The following RALGPS1 variants were observed in gnomAD, a reference collection of about 807,000 sequenced individuals.
The protein encoded by RALGPS1 is ras-specific guanine nucleotide-releasing factor RalGPS1.
RALGPS1 carries 19 observed loss-of-function variants against 78.8 expected under a neutral mutation model. That is an observed-to-expected ratio of 0.24 (90% CI 0.17 to 0.35). The LOEUF is 0.35. Among genes scored for constraint, RALGPS1 ranks in the 10% least tolerant of loss-of-function variants. RALGPS1 has a pLI of 1.00. For synonymous variants in RALGPS1, 228 were observed against 256.3 expected (o/e 0.89, Z 1.06); for missense variants, 454 against 688.3 (o/e 0.66, Z 3.81).
Position 127,218,816 on chromosome 9 carries a change from G to A in RALGPS1, c.*47G>A. The A allele has an allele frequency of 1.3e-6, 2 of 1,597,684 alleles. No homozygotes were observed. The highest frequency in any genetic ancestry group is 1.7e-6 in the Non-Finnish European group (2 of 1,165,010). On this transcript the variant is annotated 3_prime_UTR_variant, in exon 19 of 19. Transcript: ENST00000259351. This position sits in a 1 kb window ranked among gnomAD's most constrained non-coding sequence, Gnocchi z 4.4. ...ACTTCAGAGGCTTCTGGGAACCCAG[G>A]CTGGGCCTGGTGGTGAAGAGCAGTC...
chr9:127,123,967 T>G (rs150290148), intron 8 of RALGPS1, among the ~76,000 whole-genome samples: 3 of 152,244 alleles, frequency 2.0e-5, no homozygotes, highest in Non-Finnish European at 4.4e-5. Flanking sequence ...GGTGATGATG[T>G]TTGGGAACAA....
chr9:127,020,926 G>C (rs1330945788), intron 4 of RALGPS1, among the ~76,000 whole-genome samples: 3 of 152,142 alleles, frequency 2.0e-5, no homozygotes, highest in Non-Finnish European at 2.9e-5. Flanking sequence ...TATTTCATAG[G>C]GGTGTTGTGA....
intron 8 of RALGPS1, among the ~76,000 whole-genome samples, chr9:127,148,596 G>A (rs2058237353): frequency 6.6e-6 from 1 of 152,222 alleles, no homozygotes; most frequent in African/African-American, 2.4e-5. Context: ...GAGAGCACAT[G>A]AGGTGAGGCT....
chr9:127,132,199 T>C (rs1038326947), intron 8 of RALGPS1, among the ~76,000 whole-genome samples: 3 of 152,196 alleles, frequency 2.0e-5, no homozygotes, highest in African/African-American at 4.8e-5. Context: ...CTGAGTGTCA[T>C]TGACCCTGGG....
At chr9:127,176,106 A>AC (rs1180693918) in intron 11 of RALGPS1, among the ~76,000 whole-genome samples, 1 of 152,120 alleles carries the variant, frequency 6.6e-6, no homozygotes, top group Non-Finnish European at 1.5e-5. Flanking sequence ...CTGATATCTT[A>AC]GAGAGACATG....
intron 14 of RALGPS1, among the ~76,000 whole-genome samples, chr9:127,204,067 C>T (rs2061796780): frequency 6.6e-6 from 1 of 152,244 alleles, no homozygotes; most frequent in Admixed American, 6.5e-5. Context: ...GGGCAGCTCT[C>T]AGTACCTCTG....
At chr9:127,188,772 C>A (rs985883392) in intron 11 of RALGPS1, among the ~76,000 whole-genome samples, 17 of 145,700 alleles carry the variant, frequency 1.2e-4, no homozygotes, top group African/African-American at 4.1e-4. Flanking sequence ...TTGAGACCAG[C>A]CTGGCCAACA....
intron 4 of RALGPS1, among the ~76,000 whole-genome samples, chr9:127,025,661 C>T (rs1412667343): frequency 6.6e-6 from 1 of 152,124 alleles, no homozygotes; most frequent in Non-Finnish European, 1.5e-5. Context: ...ATCCACGCAT[C>T]CTCCTGGTAA....
intron 8 of RALGPS1, among the ~76,000 whole-genome samples, chr9:127,126,256 C>G (rs573142445): frequency 3.5e-4 from 53 of 152,084 alleles, no homozygotes; most frequent in Admixed American, 6.5e-4. Context: ...ATTGTTGTTC[C>G]TGTATACATA....
At chr9:126,980,210 G>A (rs894296934) in intron 4 of RALGPS1, among the ~76,000 whole-genome samples, 1 of 152,208 alleles carries the variant, frequency 6.6e-6, no homozygotes, top group African/African-American at 2.4e-5. Flanking sequence ...TGCCTGCCAT[G>A]TTGTGGCTGG....
intron 8 of RALGPS1, among the ~76,000 whole-genome samples, chr9:127,158,213 T>C (rs1263942300): frequency 1.3e-5 from 2 of 152,102 alleles, no homozygotes; most frequent in Non-Finnish European, 2.9e-5. Context: ...TTAAAAATCA[T>C]CTAGATATTG....
At chr9:127,063,074 A>G (rs778971481) in intron 7 of RALGPS1, among the ~76,000 whole-genome samples, 4 of 152,216 alleles carry the variant, frequency 2.6e-5, no homozygotes, top group Non-Finnish European at 5.9e-5. Context: ...TCTCTTTGCT[A>G]AAAAATATTT....
chr9:127,000,649 A>G (rs776020137), intron 4 of RALGPS1, among the ~76,000 whole-genome samples: 6 of 144,042 alleles, frequency 4.2e-5, no homozygotes, highest in Admixed American at 7.4e-5. Flanking sequence ...CCCAGGTTCA[A>G]GCGATTCTCC....
chr9:127,141,804 A>T (rs1282155652), intron 8 of RALGPS1, among the ~76,000 whole-genome samples: 3 of 152,104 alleles, frequency 2.0e-5, no homozygotes, highest in Non-Finnish European at 4.4e-5. Flanking sequence ...AGTATTTTTC[A>T]TTTTAAATAT....
chr9:126,992,471 T>C (rs1373495249), intron 4 of RALGPS1, among the ~76,000 whole-genome samples: 1 of 152,324 alleles, frequency 6.6e-6, no homozygotes, highest in African/African-American at 2.4e-5. Context: ...TTTGTTATTC[T>C]GTTTCAAAAT....
At chr9:127,202,235 A>G (rs1176707930) in intron 14 of RALGPS1, among the ~76,000 whole-genome samples, 2 of 152,138 alleles carry the variant, frequency 1.3e-5, no homozygotes, top group Non-Finnish European at 2.9e-5. Context: ...CACCTTCATC[A>G]CTAAGAATGC....
rs530998216 is a variant in RALGPS1, at chr9:127,212,449, G to A, written c.1354-178G>A. On this transcript the variant is annotated intron_variant, in intron 15 of 18. Transcript: ENST00000259351. The surrounding 1 kb of genome is among the most constrained non-coding windows in gnomAD (Gnocchi z 6.0). ...GAGTAAAGGAGCAAGAGACGGGAGG[G>A]AAGACGCCTCCTGTCTTGGTCCTAG... is the stretch of plus-strand genomic sequence containing the variant. Among the ~76,000 whole-genome samples the A allele has an allele frequency of 1.0e-3, 155 of 152,324 alleles. 1 individual carries two copies. Among genetic ancestry groups the A allele is most frequent in the Non-Finnish European group, 1.8e-3 (120 of 68,020 alleles).
chr9:127,100,514 A>G (rs2053613274), intron 8 of RALGPS1, among the ~76,000 whole-genome samples: 1 of 152,206 alleles, frequency 6.6e-6, no homozygotes, highest in African/African-American at 2.4e-5. Context: ...AAGAGTTTAG[A>G]AGGGGCTTTA....
chr9:127,190,063 A>G (rs112338414), intron 11 of RALGPS1, among the ~76,000 whole-genome samples: 1 of 152,214 alleles, frequency 6.6e-6, no homozygotes, highest in African/African-American at 2.4e-5. Context: ...TTCACCACAT[A>G]TTTCTTTAAG....
Sources: allele counts gnomAD v4.1 joint callset (sites outside exome capture counted in the v4.1 genomes callset), GRCh38; gene constraint gnomAD v4.1.1; non-coding constraint Gnocchi (gnomAD v3.1); transcripts MANE v1.5; gene names NCBI Gene and HGNC (gene_info 2026-07-23, HGNC 2026-07-21).